Variants in LRP1B observed in about 807,000 individuals in gnomAD.
LRP1B encodes the protein LDL receptor related protein 1B.
LRP1B carries 217 observed loss-of-function variants against 556.6 expected under a neutral mutation model. The observed-to-expected ratio is 0.39, with a 90% confidence interval of 0.35 to 0.44. LRP1B has a LOEUF of 0.44. Among genes scored for constraint, LRP1B ranks in the 20% least tolerant of loss-of-function variants. LRP1B has a pLI of 1.00. For synonymous variants in LRP1B, 2,047 were observed against 1,865.8 expected, an observed-to-expected ratio of 1.10 and a Z score of -2.50; for missense variants, 5,053 against 5,620.8, an observed-to-expected ratio of 0.90 and a Z score of 3.23.
intron 66 of LRP1B, among the ~76,000 whole-genome samples, chr2:140,410,959 CG>C (rs1395414909): frequency 6.6e-6 from 1 of 152,042 alleles, no homozygotes; most frequent in Non-Finnish European, 1.5e-5. Flanking sequence ...GAATGGGTGC[CG>C]GGGTTACCTC....
intron 3 of LRP1B, among the ~76,000 whole-genome samples, chr2:141,364,062 AT>A (rs1249497072): frequency 1.3e-5 from 2 of 152,120 alleles, no homozygotes; most frequent in Non-Finnish European, 2.9e-5. Flanking sequence ...TTCAGTCCTT[AT>A]CTTGATACAA....
At chr2:141,815,511 A>G (rs1202211371) in intron 1 of LRP1B, among the ~76,000 whole-genome samples, 1 of 152,060 alleles carries the variant, frequency 6.6e-6, no homozygotes, top group Admixed American at 6.6e-5. Context: ...CTAGCAAGGG[A>G]TTGTAAAATG....
At chr2:140,724,558 T>C (rs976500478) in intron 35 of LRP1B, among the ~76,000 whole-genome samples, 1 of 152,128 alleles carries the variant, frequency 6.6e-6, no homozygotes, top group African/African-American at 2.4e-5. Context: ...CTATATAAAG[T>C]GTGTTTCAAT....
chr2:140,879,343 T>C (rs1400176670), intron 25 of LRP1B, among the ~76,000 whole-genome samples: 1 of 152,128 alleles, frequency 6.6e-6, no homozygotes, highest in Non-Finnish European at 1.5e-5. Flanking sequence ...GGGGGAAAAA[T>C]ATGGCTTGGG....
intron 2 of LRP1B, among the ~76,000 whole-genome samples, chr2:141,506,561 G>A (rs1052423835): frequency 6.6e-6 from 1 of 151,970 alleles, no homozygotes; most frequent in African/African-American, 2.4e-5. Flanking sequence ...TCACTCCACT[G>A]TTACATTACG....
At chr2:141,837,816 TCAC>T (rs1444209791) in intron 1 of LRP1B, among the ~76,000 whole-genome samples, 1 of 152,164 alleles carries the variant, frequency 6.6e-6, no homozygotes, top group Non-Finnish European at 1.5e-5. Flanking sequence ...CTATTAAACT[TCAC>T]CAACACATTA....
intron 35 of LRP1B, among the ~76,000 whole-genome samples, chr2:140,766,793 T>C (rs1689119267): frequency 1.4e-5 from 2 of 144,652 alleles, no homozygotes; most frequent in South Asian, 4.3e-4. Flanking sequence ...ATTAGAAATT[T>C]AAATGTAGCT....
intron 21 of LRP1B, among the ~76,000 whole-genome samples, chr2:140,909,398 C>T (rs1212446027): frequency 6.6e-6 from 1 of 151,608 alleles, no homozygotes; most frequent in Non-Finnish European, 1.5e-5. Flanking sequence ...AATATAGGTG[C>T]AAAAATGTTT....
chr2:141,598,078 G>A (rs1240376884), intron 2 of LRP1B, among the ~76,000 whole-genome samples: 1 of 139,364 alleles, frequency 7.2e-6, no homozygotes, highest in Non-Finnish European at 1.6e-5. Context: ...TTTAAAAGGT[G>A]CTTTTTTATG....
intron 35 of LRP1B, among the ~76,000 whole-genome samples, chr2:140,722,827 A>G (rs943219163): frequency 2.6e-5 from 4 of 152,170 alleles, no homozygotes; most frequent in Admixed American, 6.5e-5. Flanking sequence ...GAGGATCACG[A>G]GGTCAGGAGA....
intron 1 of LRP1B, among the ~76,000 whole-genome samples, chr2:141,818,939 T>A (rs1696661025): frequency 6.6e-6 from 1 of 151,652 alleles, no homozygotes; most frequent in African/African-American, 2.4e-5. Context: ...GCATTTTAGA[T>A]CCTTTAATAA....
chr2:141,184,557 T>A (rs1302540861), intron 7 of LRP1B, among the ~76,000 whole-genome samples: 1 of 151,964 alleles, frequency 6.6e-6, no homozygotes, highest in Non-Finnish European at 1.5e-5. Context: ...TACCCCTTTT[T>A]TTCAATCGTG....
Position 140,603,181 on chromosome 2 carries a change from C to A in LRP1B, c.6800-1542G>T, listed in dbSNP as rs370943067. 2.0e-4 allele frequency among the ~76,000 whole-genome samples: 31 copies of A among 152,114 alleles called. 2 individuals carry two copies. The highest frequency in any genetic ancestry group is 1.4e-3 in the Admixed American group (22 of 15,250). ...GTCTCCTCTCACACAGTCAACAAAG[C>A]AGTCTACAAGGTATTAATGAGGGTG... is the stretch of plus-strand genomic sequence containing the variant. On this transcript the variant is annotated intron_variant, in intron 41 of 90. Transcript: ENST00000389484.
rs1046470811 is a variant in LRP1B at position 141,974,313 on chromosome 2, G to A, written c.82+156335C>T. 7.2e-5 allele frequency among the ~76,000 whole-genome samples: 11 copies of A among 152,126 alleles called. No individual in the cohort carries two copies. In the South Asian group the frequency reaches 2.3e-3, roughly 32 times the overall value. ...TTCCATGACTGGCTGTAGCAGGAAT[G>A]ACAAGGGGATAGGAAAGAACGGTTA... On this transcript the variant is annotated intron_variant, in intron 1 of 90. Coordinates refer to ENST00000389484, the MANE Select transcript of LRP1B (RefSeq NM_018557.3).
chr2:140,291,320 T>TATATATTTATATATATATATATATATATA (rs745524571), intron 84 of LRP1B, among the ~76,000 whole-genome samples: 2 of 51,856 alleles, frequency 3.9e-5, no homozygotes, highest in African/African-American at 1.2e-4. Flanking sequence ...ATATATATAT[T>TATATATTTATATATATATATATATATATA]TTTATTATAC....
At position 141,772,913 on chromosome 2, in the gene LRP1B, G is replaced by T. The variant is rs534067590; in HGVS notation, c.205+37366C>A. ...GGCCTTACTAGCTTGACTTAAGGGA[G>T]CCCACAGTTCTCCTGTCTCCTTGTG... is the stretch of plus-strand genomic sequence containing the variant. On this transcript the variant is annotated intron_variant, in intron 2 of 90. Transcript: ENST00000389484. 4.3e-4 allele frequency among the ~76,000 whole-genome samples: 66 copies of T among 152,274 alleles called. 2 individuals are homozygous for T. Among genetic ancestry groups the T allele is most frequent in the African/African-American group, 1.5e-3 (63 of 41,560 alleles).
chr2:140,542,313 T>C (rs1680167052), intron 43 of LRP1B, among the ~76,000 whole-genome samples: 2 of 152,172 alleles, frequency 1.3e-5, no homozygotes, highest in Non-Finnish European at 1.5e-5. Context: ...TATTAACCTT[T>C]AGTAAGAAAT....
intron 1 of LRP1B, among the ~76,000 whole-genome samples, chr2:142,009,190 C>G (rs1231930777): frequency 6.6e-6 from 1 of 152,136 alleles, no homozygotes; most frequent in African/African-American, 2.4e-5. Flanking sequence ...AATAAGCTGT[C>G]TCTTCCACTT....
At chr2:140,272,689 T>G (rs1044513345) in intron 85 of LRP1B, among the ~76,000 whole-genome samples, 1 of 152,010 alleles carries the variant, frequency 6.6e-6, no homozygotes, top group Non-Finnish European at 1.5e-5. Context: ...ACTAACTTCA[T>G]TTTAATGCTA....
Sources: gnomAD v4.1 joint callset for allele counts (sites outside exome capture counted in the v4.1 genomes callset) on GRCh38, gnomAD v4.1.1 for gene constraint, MANE v1.5 for transcripts, NCBI Gene and HGNC (gene_info 2026-07-23, HGNC 2026-07-21) for gene names.